ANKRD6: variants seen among roughly 807,000 people sequenced by gnomAD.
ANKRD6 encodes ankyrin repeat domain 6.
Under a neutral mutation model 82.3 loss-of-function variants are expected in ANKRD6, and 56 were observed. The observed-to-expected ratio is 0.68, with a 90% CI of 0.55 to 0.85. The LOEUF is 0.85. ANKRD6 is among the 40% of genes least tolerant of loss of function. The pLI, the probability that ANKRD6 is intolerant of heterozygous loss-of-function variation, is 0.00. For synonymous variants in ANKRD6, 347 were observed against 352.1 expected (o/e 0.99, Z 0.16); for missense variants, 852 against 907.6 (o/e 0.94, Z 0.79).
chr6:89,604,421 T>C (rs1253573154), intron 4 of ANKRD6, among the ~76,000 whole-genome samples: 1 of 150,624 alleles, frequency 6.6e-6, no homozygotes, highest in Non-Finnish European at 1.5e-5. Context: ...CAAACAATCT[T>C]AAAACACAAA....
At chr6:89,441,904 T>C (rs972144809) in intron 1 of ANKRD6, among the ~76,000 whole-genome samples, 1 of 152,120 alleles carries the variant, frequency 6.6e-6, no homozygotes, top group African/African-American at 2.4e-5. Flanking sequence ...AGTGTTGGGA[T>C]TACAGGCGTG....
chr6:89,466,508 A>G (rs1364562496), intron 1 of ANKRD6, among the ~76,000 whole-genome samples: 1 of 152,194 alleles, frequency 6.6e-6, no homozygotes, highest in Non-Finnish European at 1.5e-5. Context: ...AACTTGATAG[A>G]TAAAAACATT....
chr6:89,593,443 A>C (rs1795281260), intron 2 of ANKRD6, among the ~76,000 whole-genome samples: 1 of 152,246 alleles, frequency 6.6e-6, no homozygotes, highest in Non-Finnish European at 1.5e-5. Flanking sequence ...AGTCACTGTC[A>C]GAGAAAGGTC....
intron 1 of ANKRD6, among the ~76,000 whole-genome samples, chr6:89,538,277 T>A (rs1784087543): frequency 6.6e-6 from 1 of 152,238 alleles, no homozygotes; most frequent in Admixed American, 6.5e-5. Context: ...AGGTCTTTTG[T>A]CTTTTACAGC....
chr6:89,559,082 T>C (rs1583276091), intron 1 of ANKRD6, among the ~76,000 whole-genome samples: 1 of 152,238 alleles, frequency 6.6e-6, no homozygotes. Context: ...CCACTCTTCT[T>C]GCCAACTCCT....
chr6:89,583,237 C>T (rs977730214), intron 2 of ANKRD6, among the ~76,000 whole-genome samples: 4 of 152,172 alleles, frequency 2.6e-5, no homozygotes, highest in African/African-American at 9.7e-5. Flanking sequence ...GGTTAGACAT[C>T]TGGAAGTTGT....
At chr6:89,590,252 C>T (rs1323258015) in intron 2 of ANKRD6, among the ~76,000 whole-genome samples, 2 of 152,022 alleles carry the variant, frequency 1.3e-5, no homozygotes, top group Non-Finnish European at 2.9e-5. Flanking sequence ...GAGATATGGC[C>T]CTTGCTGGAG....
chr6:89,497,886 C>A (rs897301022), intron 1 of ANKRD6, among the ~76,000 whole-genome samples: 2 of 152,146 alleles, frequency 1.3e-5, no homozygotes, highest in African/African-American at 4.8e-5. Context: ...CCACTACCAC[C>A]CCTAGCTCCA....
At chr6:89,591,013 G>A (rs915778886) in intron 2 of ANKRD6, among the ~76,000 whole-genome samples, 7 of 152,162 alleles carry the variant, frequency 4.6e-5, no homozygotes, top group Non-Finnish European at 1.0e-4. Context: ...GGCTCACCAG[G>A]GCCTAGGTTG....
chr6:89,627,373 T>C (rs1806059658), intron 13 of ANKRD6, among the ~76,000 whole-genome samples: 1 of 152,212 alleles, frequency 6.6e-6, no homozygotes, highest in African/African-American at 2.4e-5. Context: ...ATAAGATTTT[T>C]TAAAAAACGA....
intron 1 of ANKRD6, among the ~76,000 whole-genome samples, chr6:89,470,111 A>G (rs1225440773): frequency 6.6e-6 from 1 of 152,208 alleles, no homozygotes; most frequent in Non-Finnish European, 1.5e-5. Flanking sequence ...ACTTTTCACT[A>G]AACATCCTCT....
intron 3 of ANKRD6, 114 bp from the exon 4 acceptor site, chr6:89,602,915 G>A (rs1201238016): frequency 1.1e-5 from 9 of 846,902 alleles, no homozygotes; most frequent in South Asian, 1.6e-5. Flanking sequence ...GCGAATAACC[G>A]CTCTGCTCTG....
intron 1 of ANKRD6, among the ~76,000 whole-genome samples, chr6:89,547,288 G>A (rs1353247280): frequency 6.6e-6 from 1 of 152,208 alleles, no homozygotes; most frequent in African/African-American, 2.4e-5. Flanking sequence ...TTAGAGGTGG[G>A]AAACCACTGT....
chr6:89,503,247 G>A (rs1029703939), intron 1 of ANKRD6, among the ~76,000 whole-genome samples: 8 of 152,214 alleles, frequency 5.3e-5, no homozygotes, highest in African/African-American at 1.9e-4. Flanking sequence ...AAAGACGAGA[G>A]TCCTCAGAAA....
At position 89,598,482 on chromosome 6, in the gene ANKRD6, T is replaced by C. The variant is rs541313147; in HGVS notation, c.219+2468T>C. On this transcript the variant is annotated intron_variant, in intron 3 of 15. Transcript: ENST00000339746. ...ACCTGTCTTGAGCTTCCTTGCAGTA[T>C]GTCTGCCTGTGCCACATGGGGGTGT... 7.7e-5 allele frequency: 73 copies of C among 943,160 alleles called. 1 individual carries two copies. In the South Asian group the frequency reaches 2.6e-3, roughly 34 times the overall value. 58.4% of individuals were successfully genotyped at this position (943,160 alleles called of 1,614,324 possible).
At chr6:89,511,773 T>G (rs1554224264) in intron 1 of ANKRD6, among the ~76,000 whole-genome samples, 1 of 152,168 alleles carries the variant, frequency 6.6e-6, no homozygotes, top group Non-Finnish European at 1.5e-5. Context: ...AACTACATTT[T>G]TTTGTTTGTT....
chr6:89,475,190 C>T (rs1775899558), intron 1 of ANKRD6, among the ~76,000 whole-genome samples: 1 of 152,170 alleles, frequency 6.6e-6, no homozygotes, highest in South Asian at 2.1e-4. Context: ...CTATGTAAAA[C>T]ATGAATAGAT....
chr6:89,611,643 C>T (rs1800283481), intron 5 of ANKRD6, among the ~76,000 whole-genome samples: 1 of 152,198 alleles, frequency 6.6e-6, no homozygotes, highest in Non-Finnish European at 1.5e-5. Context: ...AATCTGTGTC[C>T]TAAGTGATAG....
At chr6:89,606,513 T>C (rs778282800) in intron 5 of ANKRD6, among the ~76,000 whole-genome samples, 2 of 152,132 alleles carry the variant, frequency 1.3e-5, no homozygotes, top group African/African-American at 4.8e-5. Context: ...GTGATACGAA[T>C]AGCCACCTTT....
Sources: allele counts gnomAD v4.1 joint callset (sites outside exome capture counted in the v4.1 genomes callset), GRCh38; gene constraint gnomAD v4.1.1; transcripts MANE v1.5; gene names NCBI Gene and HGNC (gene_info 2026-07-23, HGNC 2026-07-21).